NCBP1: variants seen among roughly 807,000 people sequenced by gnomAD.
NCBP1 encodes the protein nuclear cap binding protein subunit 1.
In NCBP1, 16 loss-of-function variants were observed where a neutral mutation model predicts 111.7. The observed-to-expected ratio is 0.14, with a 90% CI of 0.10 to 0.22. The LOEUF (loss-of-function observed/expected upper bound fraction) is 0.22, where lower values mean the gene tolerates loss of function less well. NCBP1 is among the 10% of genes least tolerant of loss of function. The probability of loss-of-function intolerance (pLI) is 1.00; values close to 1 mark genes in which losing one functional copy is unlikely to be tolerated. For synonymous variants in NCBP1, 304 were observed against 314.3 expected (o/e 0.97, Z 0.35); for missense variants, 607 against 957.5 (o/e 0.63, Z 4.83).
chr9:97,636,147 A>T (rs1419087507), intron 1 of NCBP1: 2 of 152,042 alleles, frequency 1.3e-5, no homozygotes, highest in African/African-American at 2.4e-5. Context: ...TTGATAATAC[A>T]GCAAATCTGA....
chr9:97,667,226 T>C (rs1828034303), intron 20 of NCBP1, among the ~76,000 whole-genome samples: 2 of 152,270 alleles, frequency 1.3e-5, no homozygotes, highest in Non-Finnish European at 2.9e-5. Flanking sequence ...GAGAGGACTA[T>C]AGATACTTAA....
chr9:97,658,338 A>G (rs1186488356), intron 14 of NCBP1, among the ~76,000 whole-genome samples: 1 of 152,234 alleles, frequency 6.6e-6, no homozygotes, highest in Non-Finnish European at 1.5e-5. Context: ...TTGATAGAAT[A>G]TAGCCAGTTT....
intron 1 of NCBP1, among the ~76,000 whole-genome samples, chr9:97,640,353 A>G (rs902680275): frequency 6.6e-6 from 1 of 152,150 alleles, no homozygotes; most frequent in African/African-American, 2.4e-5. Context: ...TCATTTACAT[A>G]ATACATTATT....
At position 97,648,243 on chromosome 9, in the gene NCBP1, T is replaced by C; in HGVS notation, c.897+20T>C. ...CCCGAGGTAAGTGACCGACTAAAAGTCCTAGATATTGACCTGTGTTGCATT... is the reference window on the plus strand; with the variant it reads ...CCCGAGGTAAGTGACCGACTAAAAGCCCTAGATATTGACCTGTGTTGCATT... On this transcript the variant is annotated intron_variant, in intron 8 of 22. Coordinates refer to ENST00000375147, the MANE Select transcript of NCBP1 (RefSeq NM_002486.5). The C allele has an allele frequency of 6.2e-7, 1 of 1,605,442 alleles. No individual in the cohort carries two copies. Among genetic ancestry groups the C allele is most frequent in the Non-Finnish European group, 8.5e-7 (1 of 1,172,452 alleles).
At position 97,640,883 on chromosome 9, in the gene NCBP1, G is replaced by T; in HGVS notation, c.123+1G>T. The T allele has an allele frequency of 6.3e-7, 1 of 1,591,870 alleles. No homozygotes were observed. Among genetic ancestry groups the T allele is most frequent in the East Asian group, 2.3e-5 (1 of 44,338 alleles). On this transcript the variant is annotated splice_donor_variant, in intron 2 of 22. Coordinates refer to ENST00000375147, the MANE Select transcript of NCBP1 (RefSeq NM_002486.5). LOFTEE classifies it high-confidence loss of function. ...TTTAATATGTAAAGTAGGAGAAAAGGTATGTCACACAATAGGCACAGGCTG... is the reference window on the plus strand; with the variant it reads ...TTTAATATGTAAAGTAGGAGAAAAGTTATGTCACACAATAGGCACAGGCTG...
Position 97,662,959 on chromosome 9 carries a change from A to G in NCBP1, c.1709A>G (p.His570Arg). 6.2e-7 allele frequency: 1 copy of G among 1,610,288 alleles called. No homozygotes were observed. The highest frequency in any genetic ancestry group is 8.5e-7 in the Non-Finnish European group (1 of 1,178,262). The change falls in exon 18 of 23, where the codon CAT becomes CGT. Residue 570 changes from histidine (H) to arginine (R), a missense_variant. His to Arg is a conservative substitution (Grantham distance 29). Transcript: ENST00000375147. ...SHSFSALAKF[H>R]EVFKTLAESD... Reference sequence around the variant, plus strand: ...TTTCCCATCATTATCAAAAGGTTTCATGAAGTCTTCAAAACCCTAGCTGAA... The same window carrying G: ...TTTCCCATCATTATCAAAAGGTTTCGTGAAGTCTTCAAAACCCTAGCTGAA...
At chr9:97,669,239 G>A (rs1261556510) in intron 21 of NCBP1, among the ~76,000 whole-genome samples, 1 of 151,358 alleles carries the variant, frequency 6.6e-6, no homozygotes, top group Non-Finnish European at 1.5e-5. Flanking sequence ...TTTTATATAT[G>A]TCTCGTTTAA....
At position 97,672,618 on chromosome 9, in the gene NCBP1, T is replaced by G. The variant is rs1828225100; in HGVS notation, c.*1419T>G. 6.6e-6 allele frequency: 1 copy of G among 152,286 alleles called. No homozygotes were observed. Among genetic ancestry groups the G allele is most frequent in the Admixed American group, 6.5e-5 (1 of 15,292 alleles). 9.4% of individuals were successfully genotyped at this position (152,286 alleles called of 1,614,324 possible). ...CTATGTAATTATATATAATTACAGT[T>G]GACCCTTGAACAACATGGGTTTGAA... On this transcript the variant is annotated 3_prime_UTR_variant, in exon 23 of 23. Coordinates refer to ENST00000375147, the MANE Select transcript of NCBP1 (RefSeq NM_002486.5).
chr9:97,659,358 T>C (rs2131356537), intron 15 of NCBP1, among the ~76,000 whole-genome samples: 1 of 152,360 alleles, frequency 6.6e-6, no homozygotes, highest in Non-Finnish European at 1.5e-5. Context: ...TCCTTCCATT[T>C]TGTGTTGTGT....
At chr9:97,643,994 G>A (rs73498331) in intron 4 of NCBP1, among the ~76,000 whole-genome samples, 1 of 152,154 alleles carries the variant, frequency 6.6e-6, no homozygotes, top group African/African-American at 2.4e-5. Context: ...ATTGTCTACA[G>A]TGAGTGGTCT....
At chr9:97,668,777 T>TC in intron 20 of NCBP1, 69 bp from the exon 21 acceptor site, 1 of 1,520,596 alleles carries the variant, frequency 6.6e-7, no homozygotes, top group Non-Finnish European at 8.9e-7. Flanking sequence ...GTAAAATGCT[T>TC]CCCCTGGAGG....
At chr9:97,646,839 CAAAAAAAA>C (rs1199961668) in intron 6 of NCBP1, among the ~76,000 whole-genome samples, 2 of 55,728 alleles carry the variant, frequency 3.6e-5, no homozygotes, top group Non-Finnish European at 9.1e-5. Flanking sequence ...GACTCCGTCT[CAAAAAAAA>C]AAAAAAAAAA....
chr9:97,636,990 A>T (rs1156729368), intron 1 of NCBP1, among the ~76,000 whole-genome samples: 3 of 152,178 alleles, frequency 2.0e-5, no homozygotes, highest in Admixed American at 2.0e-4. Flanking sequence ...TGTGATCCAA[A>T]GGTAACCATG....
intron 6 of NCBP1, 78 bp from the exon 7 acceptor site, chr9:97,647,414 C>A: frequency 8.8e-7 from 1 of 1,135,208 alleles, no homozygotes; most frequent in Non-Finnish European, 1.3e-6. Flanking sequence ...CTTTAATTTG[C>A]ATTTTAATAA....
At position 97,653,995 on chromosome 9, in the gene NCBP1, G is replaced by T; in HGVS notation, c.1170+87G>T. On this transcript the variant is annotated intron_variant, in intron 11 of 22. Coordinates refer to ENST00000375147, the MANE Select transcript of NCBP1 (RefSeq NM_002486.5). ...ATTTCTGCTTGTGGGTTTAAATTTTGTAGGTAAAAAATGTGGCTTTTGAAG... is the reference window on the plus strand; with the variant it reads ...ATTTCTGCTTGTGGGTTTAAATTTTTTAGGTAAAAAATGTGGCTTTTGAAG... 8.3e-6 allele frequency: 10 copies of T among 1,211,192 alleles called. No individual in the cohort carries two copies. In the South Asian group the frequency reaches 1.0e-4, roughly 13 times the overall value. 75.0% of individuals were successfully genotyped at this position (1,211,192 alleles called of 1,614,324 possible). A position where few individuals can be genotyped will look rare whatever the true frequency, so the allele number is the denominator to read the frequency against.
chr9:97,666,406 TA>T (rs879903175), intron 19 of NCBP1, among the ~76,000 whole-genome samples: 16 of 152,216 alleles, frequency 1.1e-4, no homozygotes, highest in Admixed American at 1.0e-3. Context: ...TTTCTACACA[TA>T]ATGTTTACAT....
chr9:97,646,855 A>AAG (rs1220765089), intron 6 of NCBP1, among the ~76,000 whole-genome samples: 1 of 150,924 alleles, frequency 6.6e-6, no homozygotes, highest in East Asian at 1.9e-4. Context: ...AAAAAAAAAA[A>AAG]AAAAAAAGAA....
intron 22 of NCBP1, 162 bp downstream of exon 22, chr9:97,669,868 C>T: frequency 1.4e-6 from 1 of 700,008 alleles, no homozygotes; most frequent in Non-Finnish European, 2.6e-6. Flanking sequence ...AATATTTAGG[C>T]TTAAACTGAT....
chr9:97,660,916 C>T (rs1404307497), intron 15 of NCBP1, 30 bp from the exon 16 acceptor site: 1 of 1,589,546 alleles, frequency 6.3e-7, no homozygotes, highest in Non-Finnish European at 8.6e-7. Context: ...CCTGATCTGT[C>T]ATTCCCCTTA....
Sources: allele counts gnomAD v4.1 joint callset (sites outside exome capture counted in the v4.1 genomes callset), GRCh38; gene constraint gnomAD v4.1.1; transcripts MANE v1.5; gene names NCBI Gene and HGNC (gene_info 2026-07-23, HGNC 2026-07-21).